The following MYOF variants were observed in gnomAD, a reference collection of about 807,000 sequenced individuals.
MYOF encodes the protein myoferlin, also known as fer-1-like 3, myoferlin.
A neutral mutation model predicts 284.2 loss-of-function variants in MYOF; 244 were observed. The ratio of observed to expected loss-of-function variants is 0.86; its 90% CI spans 0.77 to 0.95. The LOEUF is 0.95. Ranked by LOEUF, MYOF falls within the 40% of genes least tolerant of loss-of-function variation. MYOF has a pLI of 0.00. For missense variants in MYOF, 2,496 were observed against 2,560.6 expected (o/e 0.97, Z 0.54); for synonymous variants, 904 against 919.7 (o/e 0.98, Z 0.31).
At chr10:93,393,011 G>C in intron 16 of MYOF, 56 bp from the exon 17 acceptor site, 1 of 1,484,794 alleles carries the variant, frequency 6.7e-7, no homozygotes, top group Non-Finnish European at 9.4e-7. Context: ...TTATAAAACA[G>C]ACATTGAAAA....
At chr10:93,440,548 A>T (rs2056217969) in intron 3 of MYOF, among the ~76,000 whole-genome samples, 1 of 152,002 alleles carries the variant, frequency 6.6e-6, no homozygotes, top group South Asian at 2.1e-4. Flanking sequence ...CTGTTATGTC[A>T]TATGTGTATT....
At chr10:93,344,752 A>G (rs1203053970) in intron 37 of MYOF, among the ~76,000 whole-genome samples, 1 of 121,226 alleles carries the variant, frequency 8.2e-6, no homozygotes, top group African/African-American at 3.0e-5. Flanking sequence ...AAAAAAAAAA[A>G]GAAGGGAAAG....
At chr10:93,308,118 C>T (rs1427127200) in intron 53 of MYOF, among the ~76,000 whole-genome samples, 1 of 149,676 alleles carries the variant, frequency 6.7e-6, no homozygotes, top group Admixed American at 6.7e-5. Context: ...TGGTGGGTGC[C>T]TGTAATCCCA....
rs1368149910 is a variant in MYOF, at chr10:93,454,166, G to C, written c.145-2025C>G. Among the ~76,000 whole-genome samples, 5 of 152,002 alleles carry C rather than the reference G, an allele frequency of 3.3e-5. No individual in the cohort carries two copies. In the East Asian group the frequency reaches 9.7e-4, roughly 29 times the overall value. On this transcript the variant is annotated intron_variant, in intron 2 of 53. Transcript: ENST00000359263. ...CATTGCACTCTAGCCTGGGCAACAA[G>C]AGCAAAACTCCATCTTAAAAGAAAA...
rs370147445 is a variant in MYOF, at chr10:93,381,361, G to A, written c.1734C>T (p.Ala578=). The change falls in exon 20 of 54, where the codon GCC becomes GCT. Residue 578 remains alanine, a synonymous_variant. Transcript: ENST00000359263. ...YQRRRKYSLS[A]VFHSATMLQD... ...GCAACATGGTGGCTGAATGAAACACGGCAGACAGGCTGTACTTCCGCCTTC... is the reference window on the plus strand; with the variant it reads ...GCAACATGGTGGCTGAATGAAACACAGCAGACAGGCTGTACTTCCGCCTTC... The A allele has an allele frequency of 4.3e-5, 70 of 1,614,076 alleles. No individual in the cohort carries two copies. The highest frequency in any genetic ancestry group is 5.1e-5 in the Non-Finnish European group (60 of 1,180,038).
At chr10:93,445,221 C>T (rs561820084) in intron 3 of MYOF, among the ~76,000 whole-genome samples, 1 of 152,244 alleles carries the variant, frequency 6.6e-6, no homozygotes, top group East Asian at 1.9e-4. Context: ...AGTGTACAGG[C>T]CTGGATATAG....
At chr10:93,415,765 A>C (rs1225485393) in intron 5 of MYOF, among the ~76,000 whole-genome samples, 1 of 152,192 alleles carries the variant, frequency 6.6e-6, no homozygotes, top group African/African-American at 2.4e-5. Context: ...CTACTTAAGG[A>C]GTTTTGCCTC....
At position 93,377,355 on chromosome 10, in the gene MYOF, C is replaced by A. The variant is rs1342479253; in HGVS notation, c.2076G>T (p.Leu692=). 1.9e-6 allele frequency: 3 copies of A among 1,614,100 alleles called. No individual in the cohort carries two copies. The highest frequency in any genetic ancestry group is 2.5e-6 in the Non-Finnish European group (3 of 1,179,950). Residue 692 remains leucine, a synonymous_variant, in exon 22 of 54, where the codon CTG becomes CTT. Transcript: ENST00000359263. ...CTTCTATAACTTCATCTATCAGCTT[C>A]AGCCACAATTCAGCCAGCTGGTTTG... ...IPANQLAELW[L]KLIDEVIEDT... is the part of the protein sequence containing the mutation.
intron 1 of MYOF, among the ~76,000 whole-genome samples, chr10:93,462,076 G>A (rs2056895647): frequency 7.5e-6 from 1 of 133,540 alleles, no homozygotes; most frequent in Admixed American, 8.7e-5. Context: ...TGCAGGCTGG[G>A]CATTGCTAAG....
chr10:93,359,973 C>T lies in MYOF; in HGVS notation c.2980G>A (p.Glu994Lys), dbSNP rs1242392538. ...INRAVDEKGW[E>K]YGITIPPDHK... ...TCAGGAGGAATGGTGATTCCATATT[C>T]CCAGCCTGGAACAGAGTTTGTGAAT... is the stretch of plus-strand genomic sequence containing the variant. Residue 994 changes from glutamate to lysine, a missense_variant, in exon 29 of 54, where the codon GAA (glutamate) becomes AAA (lysine). By Grantham distance (56) the Glu-to-Lys change is moderately conservative (BLOSUM62 1). Coordinates refer to ENST00000359263, the MANE Select transcript of MYOF (RefSeq NM_013451.4). The T allele has an allele frequency of 1.2e-6, 2 of 1,614,020 alleles. No individual in the cohort carries two copies. Among genetic ancestry groups the T allele is most frequent in the Admixed American group, 1.7e-5 (1 of 60,002 alleles).
chr10:93,347,651 A>C lies in MYOF; in HGVS notation c.4215T>G (p.Tyr1405Ter), dbSNP rs558588477. ...ERLDRFRCDP[Y>*]AGKEDIVPQL... is the part of the protein sequence containing the mutation. ...GTGGGACGATGTCCTCTTTCCCTGC[A>C]TAAGGGTCACAGCGAAAGCGGTCCA... Residue 1405 changes from tyrosine (Y) to a stop codon, truncating the protein, a stop_gained, in exon 37 of 54, where the codon TAT becomes TAG. Transcript: ENST00000359263. LOFTEE classifies it high-confidence loss of function. The C allele has an allele frequency of 3.7e-6, 6 of 1,613,522 alleles. No homozygotes were observed. Among genetic ancestry groups the C allele is most frequent in the Non-Finnish European group, 5.1e-6 (6 of 1,179,976 alleles).
chr10:93,316,338 G>A (rs1842610092), intron 50 of MYOF, among the ~76,000 whole-genome samples: 1 of 151,990 alleles, frequency 6.6e-6, no homozygotes, highest in Admixed American at 6.6e-5. Context: ...GAAATGGCGG[G>A]GGGGTTGGGG....
chr10:93,326,171 G>A (rs552963673), intron 45 of MYOF, among the ~76,000 whole-genome samples: 3 of 152,292 alleles, frequency 2.0e-5, no homozygotes, highest in Admixed American at 6.5e-5. Context: ...AGCCTAACTT[G>A]TGGACTGCCA....
At chr10:93,400,211 G>C (rs193128288) in intron 12 of MYOF, among the ~76,000 whole-genome samples, 100 of 151,970 alleles carry the variant, frequency 6.6e-4, no homozygotes, top group Non-Finnish European at 1.1e-3. Context: ...AAGAAAATTT[G>C]ACATAATCAC....
At chr10:93,379,166 A>T (rs1413187975) in intron 21 of MYOF, among the ~76,000 whole-genome samples, 1 of 152,156 alleles carries the variant, frequency 6.6e-6, no homozygotes, top group Non-Finnish European at 1.5e-5. Flanking sequence ...ACCTCCAAAC[A>T]AAAGAAGTTC....
intron 3 of MYOF, among the ~76,000 whole-genome samples, chr10:93,439,245 C>G (rs898066921): frequency 1.3e-5 from 2 of 152,238 alleles, no homozygotes; most frequent in African/African-American, 2.4e-5. Flanking sequence ...CCAAAGCCCT[C>G]CGGGTCAGTG....
At chr10:93,357,011 C>A (rs1380583303) in intron 29 of MYOF, among the ~76,000 whole-genome samples, 163 bp from the exon 30 acceptor site, 1 of 152,178 alleles carries the variant, frequency 6.6e-6, no homozygotes, top group Non-Finnish European at 1.5e-5. Context: ...AAAAAACAGA[C>A]AGGACCTCTG....
intron 49 of MYOF, among the ~76,000 whole-genome samples, chr10:93,318,851 C>T (rs532413138): frequency 6.6e-6 from 1 of 152,266 alleles, no homozygotes; most frequent in African/African-American, 2.4e-5. Context: ...GTGGCTGGTA[C>T]ATTCTGATCA....
intron 24 of MYOF, among the ~76,000 whole-genome samples, chr10:93,372,629 G>A (rs1175874022): frequency 6.6e-6 from 1 of 152,268 alleles, no homozygotes; most frequent in East Asian, 1.9e-4. Flanking sequence ...AGGAAGAAAG[G>A]CATTGCCTTG....
Sources: gnomAD v4.1 joint callset for allele counts (sites outside exome capture counted in the v4.1 genomes callset) on GRCh38, gnomAD v4.1.1 for gene constraint, MANE v1.5 for transcripts, NCBI Gene and HGNC (gene_info 2026-07-23, HGNC 2026-07-21) for gene names.